PYGB: variants seen among roughly 807,000 people sequenced by gnomAD.
PYGB encodes the protein glycogen phosphorylase B.
A neutral mutation model predicts 94.3 loss-of-function variants in PYGB; 82 were observed. That is an observed-to-expected ratio of 0.87 (90% confidence interval 0.73 to 1.04). PYGB has a LOEUF of 1.04. Among genes scored for constraint, PYGB ranks in the 50% least tolerant of loss-of-function variants. The pLI is 0.00. For missense variants in PYGB, 1,132 were observed against 1,158.2 expected (o/e 0.98, Z 0.33); for synonymous variants, 488 against 479.1 (o/e 1.02, Z -0.24).
chr20:25,272,023 C>G (rs62212152), intron 4 of PYGB, among the ~76,000 whole-genome samples: 77 of 152,244 alleles, frequency 5.1e-4, no homozygotes, highest in Admixed American at 2.4e-3. Context: ...GAGTGAGCCT[C>G]GATCTTGAAG....
At chr20:25,293,476 A>G (rs1440122293) in intron 17 of PYGB, among the ~76,000 whole-genome samples, 4 of 152,202 alleles carry the variant, frequency 2.6e-5, no homozygotes, top group Admixed American at 2.6e-4. Flanking sequence ...AGCGATAATT[A>G]CAAAGAAAAG....
rs765731025 is a variant in PYGB, at chr20:25,248,356, G to C, written c.178G>C (p.Val60Leu). 1.3e-6 allele frequency: 2 copies of C among 1,599,000 alleles called. No homozygotes were observed. The highest frequency in any genetic ancestry group is 1.7e-6 in the Non-Finnish European group (2 of 1,173,898). Residue 60 changes from valine to leucine, a missense_variant, in exon 1 of 20, where the codon GTG becomes CTG. Coordinates refer to ENST00000216962, the MANE Select transcript of PYGB (RefSeq NM_002862.4). Reference protein sequence around the residue: ...RDYFFALAHTVRDHLVGRWIR... With the variant: ...RDYFFALAHTLRDHLVGRWIR... ...CTACTTCTTCGCGCTGGCGCACACG[G>C]TGCGCGACCACCTCGTGGGCCGCTG...
chr20:25,278,569 GC>G, intron 8 of PYGB, 107 bp downstream of exon 8: 1 of 1,425,800 alleles, frequency 7.0e-7, no homozygotes, highest in Non-Finnish European at 9.5e-7. Context: ...AATGGTACAT[GC>G]CCCTTGTCTT....
chr20:25,292,545 G>T lies in PYGB; in HGVS notation c.2109G>T (p.Glu703Asp). The change falls in exon 17 of 20, where the codon GAG becomes GAT. Residue 703 changes from glutamate (E) to aspartate (D), a missense_variant. Glu to Asp is a conservative substitution (Grantham distance 45, BLOSUM62 2). Transcript: ENST00000216962. ...MDGANVEMAE[E>D]AGAENLFIFG... ...GCGCCAACGTGGAGATGGCCGAGGA[G>T]GCCGGGGCCGAGAACCTCTTCATCT... 6.2e-7 allele frequency: 1 copy of T among 1,613,384 alleles called. No homozygotes were observed. Among genetic ancestry groups the T allele is most frequent in the Non-Finnish European group, 8.5e-7 (1 of 1,179,964 alleles).
At chr20:25,289,491 C>G (rs951201632) in intron 15 of PYGB, among the ~76,000 whole-genome samples, 1 of 151,866 alleles carries the variant, frequency 6.6e-6, no homozygotes, top group Non-Finnish European at 1.5e-5. Flanking sequence ...CAAAAAAGTG[C>G]AAAAATTAGC....
chr20:25,292,942 G>GGGCACA (rs1228135343), intron 17 of PYGB, among the ~76,000 whole-genome samples: 9 of 152,050 alleles, frequency 5.9e-5, no homozygotes, highest in Non-Finnish European at 1.2e-4. Context: ...GACACCCCCT[G>GGGCACA]GGCACAGGCA....
intron 3 of PYGB, among the ~76,000 whole-genome samples, chr20:25,270,214 T>G (rs917353867): frequency 9.4e-5 from 14 of 148,210 alleles, no homozygotes; most frequent in African/African-American, 3.6e-4. Context: ...TTGTTTTTTT[T>G]TTTTTTGAGA....
At chr20:25,278,072 T>G (rs1476754139) in intron 7 of PYGB, among the ~76,000 whole-genome samples, 1 of 149,882 alleles carries the variant, frequency 6.7e-6, no homozygotes, top group African/African-American at 2.5e-5. Context: ...GCTTGGACAG[T>G]GCAGCTCCTG....
chr20:25,264,924 T>G (rs139907885), intron 2 of PYGB, among the ~76,000 whole-genome samples: 2,252 of 152,218 alleles, frequency 0.015, 47 homozygotes, highest in African/African-American at 0.048. Context: ...TGGAAAAAAC[T>G]ACTTTAAAGT....
At chr20:25,271,179 C>T (rs6050510) in intron 3 of PYGB, among the ~76,000 whole-genome samples, 9,852 of 152,052 alleles carry the variant, frequency 0.065, 987 homozygotes, top group African/African-American at 0.22. Flanking sequence ...CTCCCACGCC[C>T]TTCGAGTAGC....
intron 18 of PYGB, chr20:25,295,044 A>G (rs1415308820): frequency 4.3e-6 from 7 of 1,613,972 alleles, no homozygotes; most frequent in Non-Finnish European, 2.5e-6. Context: ...TGATAAAGGA[A>G]GTGCTTTTAA....
chr20:25,292,416 C>T lies in PYGB; in HGVS notation c.1980C>T (p.Ala660=), dbSNP rs147406694. The part of the protein sequence containing the change: ...RVSLAEKVIP[A]ADLSQQISTA... Reference sequence around the variant, plus strand: ...GGCTCCCCTCCACAGTGATCCCGGCCGCTGATCTGTCGCAGCAGATCTCCA... The same window carrying T: ...GGCTCCCCTCCACAGTGATCCCGGCTGCTGATCTGTCGCAGCAGATCTCCA... The change falls in exon 17 of 20, where the codon GCC becomes GCT. Residue 660 remains alanine (A), a synonymous_variant. Coordinates refer to ENST00000216962, the MANE Select transcript of PYGB (RefSeq NM_002862.4). 5.6e-4 allele frequency: 906 copies of T among 1,612,926 alleles called. 7 individuals carry two copies. The highest frequency in any genetic ancestry group is 3.3e-4 in the Middle Eastern group (2 of 6,084).
Position 25,296,383 on chromosome 20 carries a change from G to C in PYGB, c.2393G>C (p.Trp798Ser), listed in dbSNP as rs543004571. 6.2e-7 allele frequency: 1 copy of C among 1,614,034 alleles called. No individual in the cohort carries two copies. Among genetic ancestry groups the C allele is most frequent in the African/African-American group, 1.3e-5 (1 of 75,008 alleles). ...CCTTCCCTGCAGAACCCCAAGGAGT[G>C]GACCAAGAAGGTCATCAGGAACATC... ...VDQLYRNPKE[W>S]TKKVIRNIAC... The change falls in exon 20 of 20, where the codon TGG becomes TCG. Residue 798 changes from tryptophan to serine, a missense_variant. Physicochemically the swap from Trp to Ser is radical, Grantham distance 177. Coordinates refer to ENST00000216962, the MANE Select transcript of PYGB (RefSeq NM_002862.4).
chr20:25,266,874 T>C lies in PYGB; in HGVS notation c.346-2255T>C, dbSNP rs572051947. Among the ~76,000 whole-genome samples the C allele has an allele frequency of 1.8e-4, 27 of 152,338 alleles. No homozygotes were observed. The South Asian group carries it at 5.6e-3, about 32-fold the overall frequency. ...CAGAGAACAAGTGTTGGTGAGGATA[T>C]AGAGCAGTTGGTGTGACTGTCAAAT... On this transcript the variant is annotated intron_variant, in intron 2 of 19. Coordinates refer to ENST00000216962, the MANE Select transcript of PYGB (RefSeq NM_002862.4).
chr20:25,277,268 C>A lies in PYGB; in HGVS notation c.797C>A (p.Ala266Glu). ...GTCAACGTGGGAGACTACATCGAGG[C>A]GGTCCTGGACCGGAACTTGGCTGAG... ...QDFNVGDYIE[A>E]VLDRNLAENI... Residue 266 changes from alanine to glutamate, a missense_variant, in exon 7 of 20, where the codon GCG (alanine) becomes GAG (glutamate). Coordinates refer to ENST00000216962, the MANE Select transcript of PYGB (RefSeq NM_002862.4). 6.3e-7 allele frequency: 1 copy of A among 1,579,186 alleles called. No homozygotes were observed. Among genetic ancestry groups the A allele is most frequent in the Non-Finnish European group, 8.7e-7 (1 of 1,148,306 alleles).
At chr20:25,276,966 G>A (rs1016389151) in intron 6 of PYGB, among the ~76,000 whole-genome samples, 3 of 152,024 alleles carry the variant, frequency 2.0e-5, no homozygotes, top group Non-Finnish European at 4.4e-5. Flanking sequence ...CAGGCAGAGC[G>A]ACCAAGACAC....
At position 25,277,399 on chromosome 20, in the gene PYGB, G is replaced by A. The variant is rs148727529; in HGVS notation, c.855+73G>A. On this transcript the variant is annotated intron_variant, in intron 7 of 19. Transcript: ENST00000216962. ...GCATAGAGAGGTGGGCTGGCTGGCC[G>A]GGCTCCCCAGTGGGGCCTGCTGTTG... is the stretch of plus-strand genomic sequence containing the variant. 477 of 1,435,080 alleles carry A rather than the reference G, an allele frequency of 3.3e-4. No individual in the cohort carries two copies. The African/African-American group carries it at 4.9e-3, about 15-fold the overall frequency. The allele number at this position is 1,435,080 out of a possible 1,614,324, so 88.9% of individuals were successfully genotyped here.
At chr20:25,294,378 T>G (rs1023703832) in intron 18 of PYGB, 86 bp downstream of exon 18, 3 of 1,463,858 alleles carry the variant, frequency 2.0e-6, no homozygotes, top group South Asian at 2.5e-5. Flanking sequence ...CCACCTTGTT[T>G]GGAGAGCAAA....
Position 25,282,131 on chromosome 20 carries a change from C to A in PYGB, c.1502C>A (p.Ala501Asp). Residue 501 changes from alanine to aspartate, a missense_variant, in exon 12 of 20, where the codon GCC becomes GAC. Physicochemically the swap from Ala to Asp is moderately radical, Grantham distance 126. Transcript: ENST00000216962. The part of the protein sequence containing the change: ...RWLLLCNPGL[A>D]DTIVEKIGEE... ...CTGCTGCTGTGCAACCCGGGGCTGG[C>A]CGATACCATCGTGGAGGTGAGTCCC... 6.2e-7 allele frequency: 1 copy of A among 1,612,632 alleles called. No homozygotes were observed. Among genetic ancestry groups the A allele is most frequent in the Non-Finnish European group, 8.5e-7 (1 of 1,179,470 alleles).
Sources: allele counts gnomAD v4.1 joint callset (sites outside exome capture counted in the v4.1 genomes callset), GRCh38; gene constraint gnomAD v4.1.1; transcripts MANE v1.5; gene names NCBI Gene and HGNC (gene_info 2026-07-23, HGNC 2026-07-21).